PAK3: variants seen among roughly 807,000 people sequenced by gnomAD.
The protein encoded by PAK3 is p21 (RAC1) activated kinase 3, also known as serine/threonine-protein kinase PAK 3.
PAK3 carries 4 observed loss-of-function variants against 41.0 expected under a neutral mutation model. The ratio of observed to expected loss-of-function variants is 0.10; its 90% CI spans 0.05 to 0.22. PAK3 has a LOEUF of 0.22. Among genes scored for constraint, PAK3 ranks in the 10% least tolerant of loss-of-function variants. The pLI, the probability that PAK3 is intolerant of heterozygous loss-of-function variation, is 1.00. For missense variants in PAK3, 205 were observed against 409.9 expected, an observed-to-expected ratio of 0.50 and a Z score of 4.32; for synonymous variants, 146 against 139.6, an observed-to-expected ratio of 1.05 and a Z score of -0.32.
At position 111,204,941 on chromosome X, in the gene PAK3, ATTTTTTT is replaced by A. The variant is rs775428482; in HGVS notation, c.1407+8317_1407+8323del. ...CTCAGATGGCAAAGTTCATCAGCAC[ATTTTTTT>A]TTTTTTTTTTTTTTTAATCTAGGAG... On this transcript the variant is annotated intron_variant, in intron 16 of 17. Coordinates refer to ENST00000372007, the MANE Select transcript of PAK3 (RefSeq NM_002578.5). 7.4e-4 allele frequency among the ~76,000 whole-genome samples: 24 copies of A among 32,445 alleles called. 1 individual carries two copies. The highest frequency in any genetic ancestry group is 3.3e-3 in the African/African-American group (21 of 6,286). 28.2% of individuals were successfully genotyped at this position (32,445 alleles called of 115,157 possible).
intron 1 of PAK3, among the ~76,000 whole-genome samples, chrX:111,087,730 C>G (rs1374879518): frequency 1.0e-5 from 1 of 95,572 alleles, no homozygotes; most frequent in Non-Finnish European, 2.0e-5. Context: ...AACGAACCAT[C>G]TGGTAATCAG....
At chrX:111,118,168 G>T (rs1289064350) in intron 4 of PAK3, among the ~76,000 whole-genome samples, 1 of 112,154 alleles carries the variant, frequency 8.9e-6, no homozygotes, top group Non-Finnish European at 1.9e-5. Flanking sequence ...AAGGCTAGAT[G>T]ATTTTTTCTT....
chrX:111,105,575 A>G (rs1274989701), intron 4 of PAK3, among the ~76,000 whole-genome samples: 1 of 111,852 alleles, frequency 8.9e-6, no homozygotes, highest in East Asian at 2.8e-4. Context: ...TTCTCACATC[A>G]TAAGCACCAT....
chrX:111,112,356 G>A (rs763467840), intron 4 of PAK3, among the ~76,000 whole-genome samples: 18 of 110,018 alleles, frequency 1.6e-4, no homozygotes, highest in African/African-American at 4.6e-4. Context: ...AGCCTGCTTC[G>A]TCAGGCTCCA....
At chrX:111,053,238 T>C (rs1057344481) in intron 1 of PAK3, among the ~76,000 whole-genome samples, 1 of 110,285 alleles carries the variant, frequency 9.1e-6, no homozygotes, top group Non-Finnish European at 1.9e-5. Flanking sequence ...CATTACTGGC[T>C]TAGGAGGGGG....
intron 10 of PAK3, among the ~76,000 whole-genome samples, chrX:111,164,124 A>G (rs895761477): frequency 1.8e-5 from 2 of 111,424 alleles, no homozygotes; most frequent in Non-Finnish European, 3.8e-5. Context: ...GGAACAACAA[A>G]TAATATAGCT....
chrX:110,983,753 AC>A (rs889266964), intron 1 of PAK3, among the ~76,000 whole-genome samples: 4 of 111,353 alleles, frequency 3.6e-5, no homozygotes, highest in Non-Finnish European at 5.7e-5. Context: ...ATGATCTGCC[AC>A]CATAGGTGGG....
intron 1 of PAK3, among the ~76,000 whole-genome samples, chrX:111,072,670 G>A (rs1008993362): frequency 4.5e-4 from 51 of 112,359 alleles, no homozygotes; most frequent in African/African-American, 1.6e-3. Context: ...TCTGCAGAAG[G>A]CAAAAGGCTT....
chrX:111,217,131 T>C, intron 17 of PAK3: 1 of 531,449 alleles, frequency 1.9e-6, no homozygotes, highest in South Asian at 9.7e-5. Flanking sequence ...TTCAATAAAT[T>C]ATTTCATTTT....
intron 6 of PAK3, among the ~76,000 whole-genome samples, chrX:111,143,640 T>TCAC (rs1216181763): frequency 9.0e-6 from 1 of 111,174 alleles, no homozygotes; most frequent in Non-Finnish European, 1.9e-5. Flanking sequence ...ACCACCATCA[T>TCAC]CACCACCAGA....
chrX:111,159,748 T>A (rs1884552), intron 8 of PAK3, among the ~76,000 whole-genome samples: 16,973 of 111,777 alleles, frequency 0.15, 2,666 homozygotes, highest in African/African-American at 0.48. Context: ...AGCCCAGTTG[T>A]TATGGCTAAA....
At chrX:110,967,641 AT>A (rs1266512124) in intron 1 of PAK3, among the ~76,000 whole-genome samples, 6 of 111,594 alleles carry the variant, frequency 5.4e-5, no homozygotes, top group African/African-American at 2.0e-4. Context: ...TTAACAATTA[AT>A]TTTTTTTTCA....
intron 4 of PAK3, among the ~76,000 whole-genome samples, chrX:111,111,281 C>T (rs1382189656): frequency 1.8e-5 from 2 of 111,807 alleles, no homozygotes; most frequent in East Asian, 5.6e-4. Context: ...TTGATGTTTC[C>T]TTCAATTATT....
chrX:111,020,173 G>A (rs1022294149), intron 1 of PAK3, among the ~76,000 whole-genome samples: 3 of 111,882 alleles, frequency 2.7e-5, no homozygotes, highest in Non-Finnish European at 5.6e-5. Context: ...TCCCAAGTGT[G>A]CACCAACAGA....
chrX:110,971,249 A>G (rs2091201379), intron 1 of PAK3, among the ~76,000 whole-genome samples: 1 of 111,715 alleles, frequency 9.0e-6, no homozygotes, highest in Non-Finnish European at 1.9e-5. Flanking sequence ...CCAATCCACC[A>G]TCTTCCCCGG....
At chrX:111,100,699 AG>A (rs1463835961) in intron 3 of PAK3, among the ~76,000 whole-genome samples, 1 of 111,919 alleles carries the variant, frequency 8.9e-6, no homozygotes, top group Non-Finnish European at 1.9e-5. Flanking sequence ...GCTCTGTGGT[AG>A]ACAGAGTAGT....
intron 1 of PAK3, among the ~76,000 whole-genome samples, chrX:110,995,461 C>G (rs1013097295): frequency 2.7e-5 from 3 of 110,696 alleles, no homozygotes; most frequent in Non-Finnish European, 5.7e-5. Flanking sequence ...ATGTACCACT[C>G]TCAGGCCTTT....
chrX:111,186,278 G>T (rs2094509624), intron 11 of PAK3, among the ~76,000 whole-genome samples: 1 of 111,455 alleles, frequency 9.0e-6, no homozygotes, highest in African/African-American at 3.3e-5. Flanking sequence ...CATAGTGTTG[G>T]AAGTTCTGGC....
At chrX:110,978,289 T>A (rs1168107027) in intron 1 of PAK3, among the ~76,000 whole-genome samples, 2 of 111,538 alleles carry the variant, frequency 1.8e-5, no homozygotes, top group Admixed American at 1.9e-4. Flanking sequence ...CATTTGGCTA[T>A]TTTTTTGTTT....
Sources: allele counts gnomAD v4.1 joint callset (sites outside exome capture counted in the v4.1 genomes callset), GRCh38; gene constraint gnomAD v4.1.1; transcripts MANE v1.5; gene names NCBI Gene and HGNC (gene_info 2026-07-23, HGNC 2026-07-21).